CDC14B: variants seen among roughly 807,000 people sequenced by gnomAD.
The protein encoded by CDC14B is dual specificity protein phosphatase CDC14B.
CDC14B carries 22 observed loss-of-function variants against 64.2 expected under a neutral mutation model. That is an observed-to-expected ratio of 0.34 (90% CI 0.24 to 0.49). The LOEUF (loss-of-function observed/expected upper bound fraction) is 0.49. CDC14B is among the 20% of genes least tolerant of loss of function. The pLI is 0.99. For missense variants in CDC14B, 498 were observed against 629.9 expected (o/e 0.79, Z 2.24); for synonymous variants, 191 against 215.8 (o/e 0.89, Z 1.01).
intron 1 of CDC14B, among the ~76,000 whole-genome samples, chr9:96,589,930 C>CAG (rs1160123516): frequency 6.7e-6 from 1 of 149,984 alleles, no homozygotes; most frequent in Non-Finnish European, 1.5e-5. Context: ...CACTGCACCC[C>CAG]AGCCTGGGCA....
rs781002101 is a variant in CDC14B, at chr9:96,523,658, G to A, written c.1014C>T (p.Ala338=). 6.8e-6 allele frequency: 11 copies of A among 1,613,984 alleles called. No individual in the cohort carries two copies. Among genetic ancestry groups the A allele is most frequent in the South Asian group, 3.3e-5 (3 of 91,082 alleles). The part of the protein sequence containing the change: ...YIMKHYRMTA[A]ETIAWVRICR... ...AGATCCTGACCCACGCAATGGTCTC[G>A]GCTGCTGTCATCCTGTAATGCTTCA... The change falls in exon 10 of 14, where the codon GCC becomes GCT. Residue 338 remains alanine, a synonymous_variant. Transcript: ENST00000375241.
intron 1 of CDC14B, among the ~76,000 whole-genome samples, chr9:96,590,063 G>GTACACTGCTT (rs1371516261): frequency 6.6e-6 from 1 of 152,006 alleles, no homozygotes; most frequent in African/African-American, 2.4e-5. Flanking sequence ...TAACTTGTAT[G>GTACACTGCTT]TACACTGCTG....
chr9:96,610,649 CAA>C (rs58120277), intron 1 of CDC14B, among the ~76,000 whole-genome samples: 15 of 131,714 alleles, frequency 1.1e-4, no homozygotes, highest in South Asian at 2.5e-4. Context: ...TAAATGACCA[CAA>C]AAAAAAAAAA....
In CDC14B at chr9:96,590,116, C is replaced by G. The variant is rs1306264833; in HGVS notation, c.161-24633G>C. 1.3e-5 allele frequency among the ~76,000 whole-genome samples: 2 copies of G among 152,180 alleles called. 1 individual carries two copies. The highest frequency in any genetic ancestry group is 1.3e-4 in the Admixed American group (2 of 15,268). ...TTTTTCACCGTGCTAAACTGAAACT[C>G]TATATCCACTGAACAGGAACTCCTC... On this transcript the variant is annotated intron_variant, in intron 1 of 13. Transcript: ENST00000375241.
chr9:96,593,148 T>C (rs1488697285), intron 1 of CDC14B, among the ~76,000 whole-genome samples: 1 of 152,148 alleles, frequency 6.6e-6, no homozygotes, highest in Non-Finnish European at 1.5e-5. Context: ...AGGTATGAAA[T>C]TTTAATATAT....
exon 14 of CDC14B, chr9:96,491,824 G>A (rs1178153773): frequency 2.0e-5 from 3 of 152,236 alleles, no homozygotes; most frequent in Non-Finnish European, 4.4e-5. Flanking sequence ...TGGGGAACCC[G>A]GTGCACGTTC....
Position 96,619,461 on chromosome 9 carries a change from C to G in CDC14B, c.-83G>C, listed in dbSNP as rs888373779. The G allele has an allele frequency of 2.5e-6, 2 of 786,252 alleles. No homozygotes were observed. Among genetic ancestry groups the G allele is most frequent in the Admixed American group, 6.5e-5 (1 of 15,394 alleles). 48.7% of individuals were successfully genotyped at this position (786,252 alleles called of 1,614,324 possible). On this transcript the variant is annotated 5_prime_UTR_variant, in exon 1 of 14. Coordinates refer to ENST00000375241, the MANE Select transcript of CDC14B (RefSeq NM_033331.4). ...CGCCGAGGCTCCCGCCAGCCCCGCG[C>G]GGGCGCTCGGGGCGGCGGGCGCAGA...
intron 1 of CDC14B, among the ~76,000 whole-genome samples, chr9:96,588,749 C>CA (rs1212110366): frequency 6.6e-6 from 1 of 152,162 alleles, no homozygotes; most frequent in East Asian, 1.9e-4. Flanking sequence ...GTTGGGATTA[C>CA]AGACGTGAGC....
chr9:96,532,893 G>T (rs1317395694), intron 9 of CDC14B, among the ~76,000 whole-genome samples: 2 of 151,904 alleles, frequency 1.3e-5, no homozygotes, highest in South Asian at 2.1e-4. Flanking sequence ...TAACTCTTGG[G>T]TATCTTTAAG....
intron 12 of CDC14B, among the ~76,000 whole-genome samples, chr9:96,516,229 C>A (rs1835638087): frequency 6.6e-6 from 1 of 152,090 alleles, no homozygotes. Context: ...ACAGGAGGCA[C>A]AACTAAAAAT....
chr9:96,606,332 CAAAAAAAAAAAA>C (rs772460843), intron 1 of CDC14B, among the ~76,000 whole-genome samples: 1 of 21,054 alleles, frequency 4.7e-5, no homozygotes, highest in African/African-American at 1.1e-4. Context: ...GACTCCATCT[CAAAAAAAAAAAA>C]AAAAAAAAAA....
At chr9:96,534,633 T>G (rs1363239565) in intron 7 of CDC14B, 91 bp from the exon 8 acceptor site, 1 of 814,314 alleles carries the variant, frequency 1.2e-6, no homozygotes, top group Non-Finnish European at 2.0e-6. Flanking sequence ...GACTTCAAAC[T>G]CATTTGCTTT....
At chr9:96,547,689 G>A (rs971324788) in intron 5 of CDC14B, among the ~76,000 whole-genome samples, 6 of 152,092 alleles carry the variant, frequency 3.9e-5, no homozygotes, top group South Asian at 2.1e-4. Context: ...CTGGCCTCAA[G>A]CTATCCTCCT....
At chr9:96,580,214 T>C (rs1210207719) in intron 1 of CDC14B, among the ~76,000 whole-genome samples, 1 of 151,872 alleles carries the variant, frequency 6.6e-6, no homozygotes, top group Non-Finnish European at 1.5e-5. Context: ...TAGGGAAAGG[T>C]TGTGGGGAGA....
rs202193145 is a variant in CDC14B at position 96,551,111 on chromosome 9, C to CTTTTT, written c.497+680_497+684dup. 2.0e-3 allele frequency among the ~76,000 whole-genome samples: 183 copies of CTTTTT among 93,270 alleles called. 21 individuals are homozygous for CTTTTT. The highest frequency in any genetic ancestry group is 7.2e-3 in the African/African-American group (146 of 20,364). 61.2% of individuals were successfully genotyped at this position (93,270 alleles called of 152,430 possible). On this transcript the variant is annotated intron_variant, in intron 5 of 13. Transcript: ENST00000375241. ...TACAAAGCCTAGGTTTTGGGGTTTGCTTTTTTTTTTTTTTTTTTTGAGACA... is the reference window on the plus strand; with the variant it reads ...TACAAAGCCTAGGTTTTGGGGTTTGCTTTTTTTTTTTTTTTTTTTTTTTTGAGACA...
rs1164375487 is a variant in CDC14B, at chr9:96,551,788, A to G, written c.497+8T>C. 1.2e-6 allele frequency: 2 copies of G among 1,606,810 alleles called. No individual in the cohort carries two copies. Among genetic ancestry groups the G allele is most frequent in the South Asian group, 1.1e-5 (1 of 89,268 alleles). On this transcript the variant is annotated splice_region_variant and intron_variant, in intron 5 of 13. Transcript: ENST00000375241. Reference sequence around the variant, plus strand: ...TACCTGAATCTACCACATCATTCTTATATTTACCTGAAAGGAATATAGGAT... The same window carrying G: ...TACCTGAATCTACCACATCATTCTTGTATTTACCTGAAAGGAATATAGGAT...
intron 1 of CDC14B, among the ~76,000 whole-genome samples, chr9:96,601,813 A>ACAAAACAAAACAAAAACT: frequency 6.7e-6 from 1 of 150,308 alleles, no homozygotes; most frequent in East Asian, 2.0e-4. Flanking sequence ...AAAAAAAAAA[A>ACAAAACAAAACAAAAACT]AATTGGGAGG....
chr9:96,564,846 G>A lies in CDC14B; in HGVS notation c.258C>T (p.Tyr86=), dbSNP rs780482719. 8.0e-5 allele frequency: 128 copies of A among 1,593,536 alleles called. No homozygotes were observed. Among genetic ancestry groups the A allele is most frequent in the African/African-American group, 2.3e-4 (17 of 74,400 alleles). The change falls in exon 3 of 14, where the codon TAC becomes TAT. Residue 86 remains tyrosine, a synonymous_variant. Transcript: ENST00000375241. The stretch of plus-strand genomic sequence containing the variant: ...CCAGATTGAGTGGTCCAAAATCTGC[G>A]TAGAAGCTTTAAAAATGAAAAATAA... ...IDNELEYENF[Y]ADFGPLNLAM...
At chr9:96,526,562 A>G (rs1837596058) in intron 9 of CDC14B, among the ~76,000 whole-genome samples, 1 of 152,164 alleles carries the variant, frequency 6.6e-6, no homozygotes, top group African/African-American at 2.4e-5. Context: ...CCAGTTGGTG[A>G]TATGCCCCAG....
Sources: gnomAD v4.1 joint callset for allele counts (sites outside exome capture counted in the v4.1 genomes callset) on GRCh38, gnomAD v4.1.1 for gene constraint, MANE v1.5 for transcripts, NCBI Gene and HGNC (gene_info 2026-07-23, HGNC 2026-07-21) for gene names.